The following TMSB15B variants were observed in gnomAD, a reference collection of about 807,000 sequenced individuals.
TMSB15B encodes the protein thymosin beta-15B.
intron 1 of TMSB15B, among the ~76,000 whole-genome samples, chrX:103,946,923 T>C (rs1556327497): frequency 9.0e-6 from 1 of 111,439 alleles, no homozygotes; most frequent in East Asian, 2.8e-4. Context: ...GAAGTAACCT[T>C]AGTGAGAAAA....
At chrX:103,954,302 C>A (rs1255405600) in intron 1 of TMSB15B, among the ~76,000 whole-genome samples, 2 of 112,079 alleles carry the variant, frequency 1.8e-5, no homozygotes, top group East Asian at 2.8e-4. Context: ...CAGACCTGAG[C>A]ACTCCTTGGT....
intron 1 of TMSB15B, chrX:103,928,415 C>T: frequency 9.9e-6 from 12 of 1,209,430 alleles, no homozygotes; most frequent in Non-Finnish European, 1.3e-5. Flanking sequence ...TGCTTTCTCT[C>T]TCCTGTTGGG....
intron 1 of TMSB15B, among the ~76,000 whole-genome samples, chrX:103,952,509 C>T (rs1296293377): frequency 2.7e-5 from 3 of 110,742 alleles, no homozygotes; most frequent in Non-Finnish European, 5.7e-5. Flanking sequence ...ATCCAGAGTC[C>T]TAAGGGAAGG....
At chrX:103,943,918 T>C (rs1380190476) in intron 1 of TMSB15B, among the ~76,000 whole-genome samples, 1 of 112,238 alleles carries the variant, frequency 8.9e-6, no homozygotes, top group Non-Finnish European at 1.9e-5. Context: ...TTTCCCCTGG[T>C]ACTTATCAAC....
In TMSB15B at chrX:103,931,533, C is replaced by A. The variant is rs781858854; in HGVS notation, c.-721+12241C>A. 1.1e-3 allele frequency: 119 copies of A among 111,732 alleles called. 1 individual carries two copies. Among genetic ancestry groups the A allele is most frequent in the African/African-American group, 3.6e-3 (112 of 30,798 alleles). 9.2% of individuals were successfully genotyped at this position (111,732 alleles called of 1,213,427 possible). A position where few individuals can be genotyped will look rare whatever the true frequency, so the allele number is the denominator to read the frequency against. ...GCATACATCAATTTTCAGTATTCCT[C>A]GATTCAATGTTTGCAAATCCAAATT... is the stretch of plus-strand genomic sequence containing the variant. On this transcript the variant is annotated intron_variant, in intron 1 of 3. Transcript: ENST00000419165.
chrX:103,943,852 C>T (rs1437258626), intron 1 of TMSB15B, among the ~76,000 whole-genome samples: 4 of 112,054 alleles, frequency 3.6e-5, no homozygotes, highest in Non-Finnish European at 7.5e-5. Flanking sequence ...ATGTCATTTC[C>T]TCTATGCAGG....
chrX:103,945,031 G>A (rs1442260683), intron 1 of TMSB15B, among the ~76,000 whole-genome samples: 7 of 112,331 alleles, frequency 6.2e-5, no homozygotes, highest in Non-Finnish European at 5.6e-5. Flanking sequence ...ACCAGCCTCG[G>A]CCTCCCAGAG....
At chrX:103,952,427 A>ATG in intron 1 of TMSB15B, among the ~76,000 whole-genome samples, 1 of 111,200 alleles carries the variant, frequency 9.0e-6, no homozygotes, top group Admixed American at 9.5e-5. Context: ...CACTTACACA[A>ATG]CTTTTAGGAT....
intron 1 of TMSB15B, among the ~76,000 whole-genome samples, chrX:103,944,652 C>T (rs1489582743): frequency 9.0e-6 from 1 of 111,699 alleles, no homozygotes; most frequent in Non-Finnish European, 1.9e-5. Context: ...TCCATCTGCA[C>T]CAGTCTAGAT....
At chrX:103,929,494 A>G (rs2074978543) in intron 1 of TMSB15B, among the ~76,000 whole-genome samples, 1 of 110,926 alleles carries the variant, frequency 9.0e-6, no homozygotes, top group African/African-American at 3.3e-5. Flanking sequence ...GATATTGTTC[A>G]CTGCCTCTAC....
chrX:103,948,802 G>C (rs1303907602), intron 1 of TMSB15B, among the ~76,000 whole-genome samples: 3 of 112,041 alleles, frequency 2.7e-5, no homozygotes, highest in African/African-American at 9.7e-5. Context: ...TAGGTACTTG[G>C]GATCAGTGAA....
intron 1 of TMSB15B, among the ~76,000 whole-genome samples, chrX:103,922,487 C>G (rs2074956408): frequency 1.8e-5 from 2 of 108,873 alleles, no homozygotes; most frequent in Admixed American, 9.9e-5. Flanking sequence ...ACAGTTTGCT[C>G]AGAATGATGG....
chrX:103,947,915 CATT>C (rs1556327663), intron 1 of TMSB15B, among the ~76,000 whole-genome samples: 1 of 111,671 alleles, frequency 9.0e-6, no homozygotes, highest in African/African-American at 3.3e-5. Flanking sequence ...TGGAAGCCAT[CATT>C]CTCAGCAAAC....
At chrX:103,929,260 G>A (rs1336457115) in intron 1 of TMSB15B, among the ~76,000 whole-genome samples, 1 of 111,818 alleles carries the variant, frequency 8.9e-6, no homozygotes, top group East Asian at 2.8e-4. Context: ...TCAGAGCCAG[G>A]AGGCCTTTAA....
chrX:103,924,394 C>T (rs1224982230), intron 1 of TMSB15B, among the ~76,000 whole-genome samples: 1 of 111,976 alleles, frequency 8.9e-6, no homozygotes, highest in African/African-American at 3.3e-5. Context: ...CTACTCTACT[C>T]AGTTAAGGAC....
At chrX:103,933,337 T>C (rs2074989270) in intron 1 of TMSB15B, among the ~76,000 whole-genome samples, 1 of 111,383 alleles carries the variant, frequency 9.0e-6, no homozygotes, top group African/African-American at 3.3e-5. Flanking sequence ...CCCTCCCTCA[T>C]CATTTCCAAC....
chrX:103,952,173 T>C (rs2147826370), intron 1 of TMSB15B, among the ~76,000 whole-genome samples: 1 of 111,738 alleles, frequency 8.9e-6, no homozygotes, highest in African/African-American at 3.3e-5. Context: ...GGTAGGACTA[T>C]GGTGAGTGCC....
chrX:103,941,450 G>A (rs1349029213), intron 1 of TMSB15B, among the ~76,000 whole-genome samples: 1 of 111,442 alleles, frequency 9.0e-6, no homozygotes, highest in Non-Finnish European at 1.9e-5. Context: ...CATAATGTCT[G>A]TACCAACTTA....
intron 1 of TMSB15B, among the ~76,000 whole-genome samples, chrX:103,920,446 C>T (rs2074949011): frequency 8.9e-6 from 1 of 111,979 alleles, no homozygotes; most frequent in African/African-American, 3.2e-5. Flanking sequence ...GTTCTAAACA[C>T]CACCACGTGA....
Sources: allele counts gnomAD v4.1 joint callset (sites outside exome capture counted in the v4.1 genomes callset), GRCh38; gene constraint gnomAD v4.1.1; transcripts MANE v1.5; gene names NCBI Gene and HGNC (gene_info 2026-07-23, HGNC 2026-07-21).